KIFC3: variants seen among roughly 807,000 people sequenced by gnomAD.
The protein encoded by KIFC3 is kinesin-like protein KIFC3.
A neutral mutation model predicts 101.8 loss-of-function variants in KIFC3; 60 were observed. The ratio of observed to expected loss-of-function variants is 0.59; its 90% CI spans 0.48 to 0.73. The LOEUF (loss-of-function observed/expected upper bound fraction) is 0.73, where lower values mean the gene tolerates loss of function less well. KIFC3 is among the 30% of genes least tolerant of loss of function. The pLI is 0.00. For synonymous variants in KIFC3, 476 were observed against 482.7 expected, an observed-to-expected ratio of 0.99 and a Z score of 0.18; for missense variants, 966 against 1,137.1, an observed-to-expected ratio of 0.85 and a Z score of 2.16.
chr16:57,847,719 C>G (rs1253290454), intron 1 of KIFC3, among the ~76,000 whole-genome samples: 1 of 150,164 alleles, frequency 6.7e-6, no homozygotes, highest in Admixed American at 6.7e-5. Flanking sequence ...CCTTATTGTT[C>G]AAGAATATAT....
At chr16:57,784,684 G>A (rs1468758868) in intron 3 of KIFC3, among the ~76,000 whole-genome samples, 1 of 152,170 alleles carries the variant, frequency 6.6e-6, no homozygotes, top group Non-Finnish European at 1.5e-5. Flanking sequence ...GGGATGATGT[G>A]GCAGACAGGC....
At chr16:57,785,330 C>T (rs1242368765) in intron 3 of KIFC3, 8 of 323,822 alleles carry the variant, frequency 2.5e-5, no homozygotes, top group South Asian at 4.4e-5. Flanking sequence ...TACCCTCCAG[C>T]GTATTCCAGG....
At chr16:57,758,971 G>A in intron 19 of KIFC3, 62 bp from the exon 20 acceptor site, 1 of 1,537,490 alleles carries the variant, frequency 6.5e-7, no homozygotes. Flanking sequence ...CACAGCAGTT[G>A]CCACCGAGAG....
At chr16:57,848,125 A>G (rs1432089146) in intron 1 of KIFC3, among the ~76,000 whole-genome samples, 1 of 152,216 alleles carries the variant, frequency 6.6e-6, no homozygotes, top group Non-Finnish European at 1.5e-5. Flanking sequence ...ATTTTTAAAT[A>G]CTTTTAAATA....
intron 13 of KIFC3, 152 bp from the exon 14 acceptor site, chr16:57,761,688 CGCA>C: frequency 1.2e-6 from 1 of 828,072 alleles, no homozygotes; most frequent in Non-Finnish European, 1.9e-6. Flanking sequence ...GCTCCTCCAC[CGCA>C]TTCAGCTGAA....
At chr16:57,805,406 G>T (rs1406794898), upstream of KIFC3, among the ~76,000 whole-genome samples, 1 of 152,200 alleles carries the variant, frequency 6.6e-6, no homozygotes, top group Non-Finnish European at 1.5e-5. Context: ...CTGGCCCCGG[G>T]AAAGGTGCAA....
chr16:57,797,463 C>A (rs903794279), intron 2 of KIFC3, among the ~76,000 whole-genome samples: 1 of 152,148 alleles, frequency 6.6e-6, no homozygotes, highest in African/African-American at 2.4e-5. Flanking sequence ...GGGACATGAC[C>A]CAGAAAGGCG....
chr16:57,768,569 G>T (rs557529233), intron 9 of KIFC3, among the ~76,000 whole-genome samples: 52 of 136,692 alleles, frequency 3.8e-4, no homozygotes, highest in Non-Finnish European at 3.8e-4. Flanking sequence ...CAGAACAGTC[G>T]GGGGAAATGC....
At position 57,765,532 on chromosome 16, in the gene KIFC3, TG is replaced by T; in HGVS notation, c.1438del (p.His480ThrfsTer107). On this transcript the variant is annotated frameshift_variant, in exon 11 of 20. Transcript: ENST00000445690. LOFTEE classifies it high-confidence loss of function. ...CACAGGCTTGCCCTTGTGCAGCAGG[TG>T]GATGATGGAGTCGTCGTCGGCATCG... is the stretch of plus-strand genomic sequence containing the variant. ...TFDADDDSII[H>X]LLHKGKPVSF... is the part of the protein sequence containing the mutation. 6.3e-7 allele frequency: 1 copy of T among 1,594,656 alleles called. No homozygotes were observed. The highest frequency in any genetic ancestry group is 8.5e-7 in the Non-Finnish European group (1 of 1,170,078).
At chr16:57,774,926 C>T (rs1015061902) in intron 3 of KIFC3, 4 of 1,473,792 alleles carry the variant, frequency 2.7e-6, no homozygotes, top group African/African-American at 2.8e-5. Flanking sequence ...TCCTTCCACG[C>T]CCCCTCCCTC....
chr16:57,839,201 T>A (rs1232818503), intron 1 of KIFC3, among the ~76,000 whole-genome samples: 1 of 151,208 alleles, frequency 6.6e-6, no homozygotes, highest in Non-Finnish European at 1.5e-5. Context: ...TCTAAAAAAA[T>A]TAAAAAGAAA....
chr16:57,816,180 C>T (rs1373373456), intron 1 of KIFC3: 1 of 1,268,396 alleles, frequency 7.9e-7, no homozygotes, highest in East Asian at 5.6e-5. Context: ...GCTCCCACTT[C>T]TAATAGTTCA....
intron 3 of KIFC3, chr16:57,775,409 C>T: frequency 9.6e-7 from 1 of 1,044,324 alleles, no homozygotes; most frequent in Non-Finnish European, 1.2e-6. Flanking sequence ...AGGTGGTTGG[C>T]CAGCTCTACT....
At chr16:57,761,688 C>T (rs781908620) in intron 13 of KIFC3, 152 bp from the exon 14 acceptor site, 11 of 827,960 alleles carry the variant, frequency 1.3e-5, no homozygotes, top group Non-Finnish European at 1.7e-5. Context: ...GCTCCTCCAC[C>T]GCATTCAGCT....
At chr16:57,802,583 G>C, upstream of KIFC3, 1 of 991,786 alleles carries the variant, frequency 1.0e-6, no homozygotes, top group Non-Finnish European at 1.2e-6. This position sits in a 1 kb window ranked among gnomAD's most constrained non-coding sequence, Gnocchi z 5.0. Flanking sequence ...GGCGGCGCGC[G>C]CCCGCACTCA....
At chr16:57,802,524 G>A (rs1376728428), upstream of KIFC3, 1 of 984,996 alleles carries the variant, frequency 1.0e-6, no homozygotes, top group Non-Finnish European at 1.2e-6. This position sits in a 1 kb window ranked among gnomAD's most constrained non-coding sequence, Gnocchi z 5.0. Context: ...TGATTAACTC[G>A]GGCCGCGGCG....
upstream of KIFC3, among the ~76,000 whole-genome samples, chr16:57,806,408 G>A (rs1468307844): frequency 1.3e-5 from 2 of 151,884 alleles, no homozygotes. Context: ...ACCCTCCCAG[G>A]CACCAGCAGG....
chr16:57,775,876 G>C (rs2051995648), intron 3 of KIFC3: 15 of 985,400 alleles, frequency 1.5e-5, no homozygotes, highest in Non-Finnish European at 1.8e-5. Flanking sequence ...ACTCCTCCCG[G>C]GCCCAGGCTC....
Position 57,770,714 on chromosome 16 carries a change from G to T in KIFC3, c.766-14C>A. 1 of 1,442,678 alleles carries T rather than the reference G, an allele frequency of 6.9e-7. No individual in the cohort carries two copies. The allele number at this position is 1,442,678 out of a possible 1,614,324, so 89.4% of individuals were successfully genotyped here. On this transcript the variant is annotated splice_polypyrimidine_tract_variant and intron_variant, in intron 6 of 19. Transcript: ENST00000445690. ...CTTGATGACATACTGCAGGGTGAGG[G>T]AGGAATGGCACGTGGAGCCAGCGGG... is the stretch of plus-strand genomic sequence containing the variant.
Sources: allele counts gnomAD v4.1 joint callset (sites outside exome capture counted in the v4.1 genomes callset), GRCh38; gene constraint gnomAD v4.1.1; non-coding constraint Gnocchi (gnomAD v3.1); transcripts MANE v1.5; gene names NCBI Gene and HGNC (gene_info 2026-07-23, HGNC 2026-07-21).